Variants in HYDIN observed in about 807,000 individuals in gnomAD.
The protein encoded by HYDIN is HYDIN axonemal central pair apparatus protein.
In HYDIN, 132 loss-of-function variants were observed where a neutral mutation model predicts 403.9. The observed-to-expected ratio is 0.33, with a 90% CI of 0.28 to 0.38. The LOEUF (loss-of-function observed/expected upper bound fraction) is 0.38, where lower values mean the gene tolerates loss of function less well. HYDIN is among the 10% of genes least tolerant of loss of function. The pLI, the probability that HYDIN is intolerant of heterozygous loss-of-function variation, is 1.00. For missense variants in HYDIN, 2,827 were observed against 5,009.5 expected (o/e 0.56, Z 13.15); for synonymous variants, 1,202 against 1,891.7 (o/e 0.64, Z 9.46).
intron 41 of HYDIN, among the ~76,000 whole-genome samples, chr16:70,950,553 C>T (rs1332544860): frequency 7.9e-5 from 12 of 151,248 alleles, no homozygotes; most frequent in African/African-American, 2.4e-4. Flanking sequence ...CCACTGCACC[C>T]GGCCTAAGGA....
rs1285772494 is a variant in HYDIN at position 71,031,154 on chromosome 16, C to T, written c.2768+525G>A. Among the ~76,000 whole-genome samples the T allele has an allele frequency of 7.6e-5, 11 of 145,552 alleles. No individual in the cohort carries two copies. The South Asian group carries it at 8.9e-4, about 12-fold the overall frequency. On this transcript the variant is annotated intron_variant, in intron 19 of 85. Coordinates refer to ENST00000393567, the MANE Select transcript of HYDIN (RefSeq NM_001270974.2). Reference sequence around the variant, plus strand: ...GGCGGAGCTTGCAGTGAGCAGAGATCGCGCCACTGCACTCCAGCCTAGGCC... The same window carrying T: ...GGCGGAGCTTGCAGTGAGCAGAGATTGCGCCACTGCACTCCAGCCTAGGCC...
chr16:71,027,037 T>A (rs1013213623), intron 20 of HYDIN: 10 of 683,520 alleles, frequency 1.5e-5, no homozygotes, highest in Middle Eastern at 1.4e-3. Context: ...GAAACACTCA[T>A]GATTTGGATC....
At chr16:71,201,552 A>G (rs2088014509) in intron 1 of HYDIN, among the ~76,000 whole-genome samples, 3 of 152,158 alleles carry the variant, frequency 2.0e-5, no homozygotes. Context: ...GACCCAAGCC[A>G]AGCCCACCAA....
At chr16:71,023,016 C>T (rs893029295) in intron 21 of HYDIN, among the ~76,000 whole-genome samples, 3 of 151,874 alleles carry the variant, frequency 2.0e-5, no homozygotes, top group Admixed American at 2.0e-4. Context: ...ACATATATTA[C>T]GTCTTGCCCA....
intron 8 of HYDIN, among the ~76,000 whole-genome samples, chr16:71,130,688 C>T (rs2084677601): frequency 6.6e-6 from 1 of 151,196 alleles, no homozygotes; most frequent in African/African-American, 2.4e-5. Context: ...CGGGGTTTCA[C>T]CTTGTTAGCC....
chr16:70,887,918 C>T (rs530121063), intron 58 of HYDIN, among the ~76,000 whole-genome samples: 1 of 152,296 alleles, frequency 6.6e-6, no homozygotes, highest in African/African-American at 2.4e-5. Context: ...CCCCTGACCT[C>T]GTGATCCGCT....
intron 1 of HYDIN, among the ~76,000 whole-genome samples, chr16:71,214,491 C>T (rs550829077): frequency 4.6e-5 from 7 of 152,220 alleles, no homozygotes; most frequent in African/African-American, 1.7e-4. Flanking sequence ...TTTTTGTACC[C>T]AACCTCACAT....
chr16:71,122,859 A>T (rs1420234167), intron 9 of HYDIN, among the ~76,000 whole-genome samples: 1 of 144,408 alleles, frequency 6.9e-6, no homozygotes, highest in Non-Finnish European at 1.5e-5. Flanking sequence ...TTGATCGAGG[A>T]GACACTTGCT....
intron 27 of HYDIN, among the ~76,000 whole-genome samples, chr16:70,986,264 C>T (rs931434742): frequency 2.5e-4 from 37 of 146,180 alleles, no homozygotes; most frequent in Non-Finnish European, 3.9e-4. Context: ...GTTCTTTTTC[C>T]TGGAATTTTG....
In HYDIN at chr16:70,832,773, T is replaced by C; in HGVS notation, c.13899+75A>G. The C allele has an allele frequency of 3.2e-6, 4 of 1,248,730 alleles. No homozygotes were observed. In the South Asian group the frequency reaches 5.0e-5, roughly 16 times the overall value. The allele number at this position is 1,248,730 out of a possible 1,614,324, so 77.4% of individuals were successfully genotyped here. On this transcript the variant is annotated intron_variant, in intron 80 of 85. Coordinates refer to ENST00000393567, the MANE Select transcript of HYDIN (RefSeq NM_001270974.2). ...GGAGGGAGGGGGCAGGCCTGCCTGT[T>C]TGAAGGAGGCCTGGCTGAGTTCACT...
intron 42 of HYDIN, among the ~76,000 whole-genome samples, 190 bp from the exon 43 acceptor site, chr16:70,942,009 GTCTTT>G (rs2077691790): frequency 7.5e-6 from 1 of 132,670 alleles, no homozygotes; most frequent in Non-Finnish European, 1.6e-5. Flanking sequence ...TAATCAGCCA[GTCTTT>G]TTTTTTTTTT....
At chr16:71,179,794 T>A (rs2086826068) in intron 3 of HYDIN, among the ~76,000 whole-genome samples, 1 of 152,162 alleles carries the variant, frequency 6.6e-6, no homozygotes, top group Admixed American at 6.5e-5. Context: ...CATCATCCAA[T>A]GCTGAAACTA....
intron 41 of HYDIN, among the ~76,000 whole-genome samples, 197 bp from the exon 42 acceptor site, chr16:70,944,146 G>T (rs1488458460): frequency 5.3e-5 from 8 of 152,230 alleles, no homozygotes; most frequent in Non-Finnish European, 1.0e-4. Flanking sequence ...GAATAGCATG[G>T]AAGGTACGTT....
At chr16:70,918,612 T>A (rs2076909775) in intron 46 of HYDIN, among the ~76,000 whole-genome samples, 183 bp from the exon 47 acceptor site, 1 of 152,370 alleles carries the variant, frequency 6.6e-6, no homozygotes, top group South Asian at 2.1e-4. Context: ...AATCAATAAA[T>A]CTCTGTTTAA....
chr16:70,986,318 A>G (rs1426214538), intron 27 of HYDIN, among the ~76,000 whole-genome samples: 2 of 151,120 alleles, frequency 1.3e-5, no homozygotes, highest in East Asian at 3.9e-4. Flanking sequence ...AATAACCACA[A>G]ACAGGCCACT....
chr16:71,080,046 T>C (rs532365693), intron 12 of HYDIN, 94 bp from the exon 13 acceptor site: 28 of 614,330 alleles, frequency 4.6e-5, no homozygotes, highest in Admixed American at 8.2e-5. Context: ...ACAAAAACCA[T>C]ACCTTGACTT....
At chr16:71,110,701 G>A (rs1471063390) in intron 10 of HYDIN, among the ~76,000 whole-genome samples, 4 of 150,648 alleles carry the variant, frequency 2.7e-5, no homozygotes, top group Non-Finnish European at 5.9e-5. Context: ...GGGTAGCACA[G>A]GCTTGGGTCA....
intron 50 of HYDIN, among the ~76,000 whole-genome samples, chr16:70,904,790 C>A (rs1312512733): frequency 3.3e-5 from 5 of 151,364 alleles, no homozygotes; most frequent in Admixed American, 1.3e-4. Context: ...GCATGAGCCA[C>A]CGTGCCCGGC....
chr16:70,851,245 A>T (rs1157172560), intron 73 of HYDIN, among the ~76,000 whole-genome samples: 1 of 148,866 alleles, frequency 6.7e-6, no homozygotes, highest in Non-Finnish European at 1.5e-5. Flanking sequence ...AAAGGAAAAA[A>T]GCTGCTGCAT....
Sources: gnomAD v4.1 joint callset for allele counts (sites outside exome capture counted in the v4.1 genomes callset) on GRCh38, gnomAD v4.1.1 for gene constraint, MANE v1.5 for transcripts, NCBI Gene and HGNC (gene_info 2026-07-23, HGNC 2026-07-21) for gene names.